PLA2G4A: variants seen among roughly 807,000 people sequenced by gnomAD.
PLA2G4A encodes the protein phospholipase A2 group IVA, also known as cytosolic phospholipase A2.
Under a neutral mutation model 81.9 loss-of-function variants are expected in PLA2G4A, and 40 were observed. The observed-to-expected ratio is 0.49, with a 90% CI of 0.38 to 0.64. PLA2G4A has a LOEUF of 0.64. Among genes scored for constraint, PLA2G4A ranks in the 30% least tolerant of loss-of-function variants. PLA2G4A has a pLI of 0.00. For missense variants in PLA2G4A, 715 were observed against 905.1 expected (o/e 0.79, Z 2.69); for synonymous variants, 302 against 296.9 (o/e 1.02, Z -0.18).
intron 12 of PLA2G4A, among the ~76,000 whole-genome samples, chr1:186,948,814 G>A (rs1316869141): frequency 2.0e-5 from 3 of 152,110 alleles, no homozygotes; most frequent in Non-Finnish European, 2.9e-5. Flanking sequence ...GGGGAATATC[G>A]TGTATGTGTG....
intron 15 of PLA2G4A, among the ~76,000 whole-genome samples, chr1:186,972,965 T>C (rs12720674): frequency 6.6e-6 from 1 of 152,224 alleles, no homozygotes; most frequent in Admixed American, 6.5e-5. Flanking sequence ...TATTCACTTA[T>C]AATGCTTAGG....
At chr1:186,875,366 T>A (rs1231890992) in intron 3 of PLA2G4A, among the ~76,000 whole-genome samples, 3 of 152,214 alleles carry the variant, frequency 2.0e-5, no homozygotes. Context: ...CATTATATTA[T>A]CAATGAGAAT....
rs12720706 is a variant in PLA2G4A at position 186,988,505 on chromosome 1, A to G, written c.2247A>G (p.Ala749=). The change falls in exon 18 of 18, where the codon GCA becomes GCG. Residue 749 remains alanine, a synonymous_variant. Coordinates refer to ENST00000367466, the MANE Select transcript of PLA2G4A (RefSeq NM_024420.3). ...AGGAGTTTCTAAGTAAACCCAAAGC[A>G]TAGTTCATGTACTGGAAATGGCAGC... is the stretch of plus-strand genomic sequence containing the variant. ...FNKEFLSKPK[A] 1.2e-3 allele frequency: 1,856 copies of G among 1,611,398 alleles called. 20 individuals carry two copies. In the African/African-American group the frequency reaches 0.021, roughly 19 times the overall value.
intron 1 of PLA2G4A, among the ~76,000 whole-genome samples, chr1:186,830,974 CT>C (rs775200986): frequency 7.3e-6 from 1 of 137,050 alleles, no homozygotes; most frequent in African/African-American, 3.1e-5. Flanking sequence ...TTCTTTCTTT[CT>C]TTCTTTCTTT....
chr1:186,852,069 T>C (rs2102023821), intron 1 of PLA2G4A, among the ~76,000 whole-genome samples: 1 of 151,952 alleles, frequency 6.6e-6, no homozygotes, highest in South Asian at 2.1e-4. Flanking sequence ...CTCTTACCTG[T>C]ATATATATAT....
rs772127204 is a variant in PLA2G4A at position 186,894,175 on chromosome 1, G to T, written c.342G>T (p.Val114=). The change falls in exon 5 of 18, where the codon GTG becomes GTT. Residue 114 remains valine (V), a synonymous_variant. Coordinates refer to ENST00000367466, the MANE Select transcript of PLA2G4A (RefSeq NM_024420.3). Reference sequence around the variant, plus strand: ...CATTTACTGTATCTTCTATGAAGGTGGGAGAAAAGAAAGAAGTTCCTTTTA... The same window carrying T: ...CATTTACTGTATCTTCTATGAAGGTTGGAGAAAAGAAAGAAGTTCCTTTTA... The part of the protein sequence containing the change: ...TATFTVSSMK[V]GEKKEVPFIF... 2.7e-6 allele frequency: 4 copies of T among 1,469,324 alleles called. No individual in the cohort carries two copies. The highest frequency in any genetic ancestry group is 1.7e-5 in the Admixed American group (1 of 59,786). The allele number at this position is 1,469,324 out of a possible 1,614,324, so 91.0% of individuals were successfully genotyped here.
At position 186,938,955 on chromosome 1, in the gene PLA2G4A, A is replaced by G; in HGVS notation, c.696-53A>G. ...CAGAGTGTGCCTTCTTTCTTTGGAG[A>G]CTGTTGTGTAATGCTCTTTATCTTT... On this transcript the variant is annotated intron_variant, in intron 8 of 17. Transcript: ENST00000367466. 4 of 927,604 alleles carry G rather than the reference A, an allele frequency of 4.3e-6. No individual in the cohort carries two copies. The East Asian group carries it at 7.2e-5, about 17-fold the overall frequency. 57.5% of individuals were successfully genotyped at this position (927,604 alleles called of 1,614,324 possible). A position where few individuals can be genotyped will look rare whatever the true frequency, so the allele number is the denominator to read the frequency against.
intron 12 of PLA2G4A, among the ~76,000 whole-genome samples, chr1:186,949,387 G>GAAAGTA (rs1553219101): frequency 6.9e-6 from 1 of 145,196 alleles, no homozygotes; most frequent in African/African-American, 2.5e-5. Context: ...AAGAAAGAAA[G>GAAAGTA]AAAAAAGAAA....
chr1:186,962,489 T>TA (rs1278884072), intron 14 of PLA2G4A, among the ~76,000 whole-genome samples: 1 of 48,564 alleles, frequency 2.1e-5, no homozygotes, highest in African/African-American at 6.4e-5. Flanking sequence ...TATTTTATTT[T>TA]ATTTATTTAT....
At chr1:186,883,426 A>G (rs1653812673) in intron 3 of PLA2G4A, among the ~76,000 whole-genome samples, 1 of 152,086 alleles carries the variant, frequency 6.6e-6, no homozygotes, top group Non-Finnish European at 1.5e-5. Context: ...AGGATCTGAG[A>G]TTAACTAGAC....
intron 7 of PLA2G4A, among the ~76,000 whole-genome samples, chr1:186,916,592 G>C (rs1424283790): frequency 6.6e-6 from 1 of 151,994 alleles, no homozygotes; most frequent in African/African-American, 2.4e-5. Context: ...TACTTTACTT[G>C]TATCATTTAT....
At chr1:186,847,807 G>A (rs1347111824) in intron 1 of PLA2G4A, among the ~76,000 whole-genome samples, 3 of 151,922 alleles carry the variant, frequency 2.0e-5, no homozygotes, top group Non-Finnish European at 4.4e-5. Flanking sequence ...TCAAGAGAGG[G>A]GCTTTAAAGA....
Position 186,938,560 on chromosome 1 carries a change from T to C in PLA2G4A, c.696-448T>C, listed in dbSNP as rs73049056. On this transcript the variant is annotated intron_variant, in intron 8 of 17. Transcript: ENST00000367466. ...TTTCAAGGGAATTAGGAATTTACAA[T>C]AGTTGGGACAACATATTTTCTACCT... is the stretch of plus-strand genomic sequence containing the variant. Among the ~76,000 whole-genome samples the C allele has an allele frequency of 5.5e-3, 844 of 152,318 alleles. 6 individuals carry two copies. Among genetic ancestry groups the C allele is most frequent in the African/African-American group, 0.02 (812 of 41,580 alleles).
At chr1:186,868,861 G>A (rs1293409545) in intron 2 of PLA2G4A, among the ~76,000 whole-genome samples, 3 of 150,838 alleles carry the variant, frequency 2.0e-5, no homozygotes, top group East Asian at 1.9e-4. Flanking sequence ...ATGTCCACGC[G>A]ATCTGTAATA....
At chr1:186,836,409 C>T (rs1264779231) in intron 1 of PLA2G4A, among the ~76,000 whole-genome samples, 1 of 151,814 alleles carries the variant, frequency 6.6e-6, no homozygotes. Flanking sequence ...TCTTCAAGCA[C>T]TTTTTATCAT....
At chr1:186,852,739 T>C (rs1174716394) in intron 1 of PLA2G4A, among the ~76,000 whole-genome samples, 2 of 151,948 alleles carry the variant, frequency 1.3e-5, no homozygotes, top group South Asian at 2.1e-4. Context: ...CCCAATACCA[T>C]TACATTAGCA....
intron 14 of PLA2G4A, 152 bp downstream of exon 14, chr1:186,956,496 G>T (rs1326698038): frequency 3.9e-6 from 3 of 777,980 alleles, no homozygotes; most frequent in Non-Finnish European, 6.6e-6. Flanking sequence ...AATGACTAGG[G>T]TTTTTTTTTT....
chr1:186,912,806 A>G (rs889565800), intron 7 of PLA2G4A, among the ~76,000 whole-genome samples: 36 of 144,006 alleles, frequency 2.5e-4, no homozygotes, highest in African/African-American at 8.3e-4. Flanking sequence ...GTATATATAT[A>G]TATACATATA....
At chr1:186,855,104 T>G (rs1652503238) in intron 2 of PLA2G4A, among the ~76,000 whole-genome samples, 1 of 152,002 alleles carries the variant, frequency 6.6e-6, no homozygotes. Flanking sequence ...CTTGCCCTCC[T>G]TGGATGAAAA....
Sources: allele counts gnomAD v4.1 joint callset (sites outside exome capture counted in the v4.1 genomes callset), GRCh38; gene constraint gnomAD v4.1.1; transcripts MANE v1.5; gene names NCBI Gene and HGNC (gene_info 2026-07-23, HGNC 2026-07-21).